EFTUD2: variants seen among roughly 807,000 people sequenced by gnomAD.
The protein encoded by EFTUD2 is elongation factor Tu GTP binding domain containing 2, also known as 116 kDa U5 small nuclear ribonucleoprotein component.
EFTUD2 carries 9 observed loss-of-function variants against 114.3 expected under a neutral mutation model. The ratio of observed to expected loss-of-function variants is 0.08; its 90% CI spans 0.05 to 0.14. The LOEUF (loss-of-function observed/expected upper bound fraction) is 0.14, where lower values mean the gene tolerates loss of function less well. EFTUD2 is among the 10% of genes least tolerant of loss of function. The pLI, the probability that EFTUD2 is intolerant of heterozygous loss-of-function variation, is 1.00. For synonymous variants in EFTUD2, 449 were observed against 462.3 expected (o/e 0.97, Z 0.37); for missense variants, 765 against 1,241.2 (o/e 0.62, Z 5.76).
At position 44,883,082 on chromosome 17, in the gene EFTUD2, G is replaced by A; in HGVS notation, c.492+11C>T. 2.5e-6 allele frequency: 4 copies of A among 1,614,048 alleles called. No individual in the cohort carries two copies. The highest frequency in any genetic ancestry group is 1.3e-5 in the African/African-American group (1 of 75,052). On this transcript the variant is annotated intron_variant, in intron 6 of 27. Coordinates refer to ENST00000426333, the MANE Select transcript of EFTUD2 (RefSeq NM_004247.4). ...GGTTCATCCTAAACCCTCAACAGAA[G>A]TTCTACTTACATCTTGGTCATAGCG...
chr17:44,887,872 G>A (rs2051202638), intron 2 of EFTUD2, among the ~76,000 whole-genome samples: 1 of 152,086 alleles, frequency 6.6e-6, no homozygotes, highest in African/African-American at 2.4e-5. Flanking sequence ...CAACATTAAC[G>A]AAGCCATTCT....
At chr17:44,869,434 G>A (rs183251714) in intron 11 of EFTUD2, among the ~76,000 whole-genome samples, 2 of 152,246 alleles carry the variant, frequency 1.3e-5, no homozygotes, top group Admixed American at 1.3e-4. Flanking sequence ...GAGTAGCTGG[G>A]ACTACAGGTG....
intron 19 of EFTUD2, among the ~76,000 whole-genome samples, chr17:44,857,795 T>G (rs2145449946): frequency 6.6e-6 from 1 of 152,082 alleles, no homozygotes; most frequent in Non-Finnish European, 1.5e-5. Flanking sequence ...GTCCCCACCC[T>G]CTCCTTGAAA....
chr17:44,857,485 G>A, intron 19 of EFTUD2: 1 of 307,386 alleles, frequency 3.3e-6, no homozygotes, highest in Non-Finnish European at 6.4e-6. Flanking sequence ...CAACCCCCAT[G>A]GGTCTGACAG....
At chr17:44,883,228 C>A (rs1165309898) in intron 5 of EFTUD2, 70 bp from the exon 6 acceptor site, 1 of 1,396,932 alleles carries the variant, frequency 7.2e-7, no homozygotes, top group Non-Finnish European at 1.0e-6. Context: ...CCCCCAGCTC[C>A]CAATACACCA....
rs2050505335 is a variant in EFTUD2 at position 44,854,190 on chromosome 17, G to C, written c.2347+79C>G. 6.8e-7 allele frequency: 1 copy of C among 1,480,126 alleles called. No homozygotes were observed. The highest frequency in any genetic ancestry group is 9.1e-7 in the Non-Finnish European group (1 of 1,094,118). The allele number at this position is 1,480,126 out of a possible 1,614,324, so 91.7% of individuals were successfully genotyped here. ...GCTGCTTCTCCTGCCGAATCCTAAAGATGGTGAGCCCATCCCACTCATATG... is the reference window on the plus strand; with the variant it reads ...GCTGCTTCTCCTGCCGAATCCTAAACATGGTGAGCCCATCCCACTCATATG... On this transcript the variant is annotated intron_variant, in intron 23 of 27. Transcript: ENST00000426333. The surrounding 1 kb of genome is among the most constrained non-coding windows in gnomAD (Gnocchi z 4.3).
chr17:44,860,791 G>GT (rs1165571390), intron 16 of EFTUD2, among the ~76,000 whole-genome samples: 3 of 151,876 alleles, frequency 2.0e-5, no homozygotes, highest in Non-Finnish European at 4.4e-5. Context: ...TAGAGACGGG[G>GT]TTTTTTCATG....
chr17:44,860,990 C>CA (rs2050648348), intron 16 of EFTUD2, among the ~76,000 whole-genome samples: 2 of 152,138 alleles, frequency 1.3e-5, no homozygotes, highest in African/African-American at 4.8e-5. Context: ...ATACAGTAAA[C>CA]AATCATTATC....
chr17:44,888,523 T>A (rs2051217270), intron 2 of EFTUD2, among the ~76,000 whole-genome samples: 1 of 152,148 alleles, frequency 6.6e-6, no homozygotes, highest in African/African-American at 2.4e-5. Flanking sequence ...GAAGATTAGT[T>A]AGGGGGCTAC....
rs371654536 is a variant in EFTUD2, at chr17:44,854,062, T to A, written c.2347+207A>T. ...CTCAGAAATGAGGAGCAAATGACAGTTTAGAAATGACTTAAATTTCCATTT... is the reference window on the plus strand; with the variant it reads ...CTCAGAAATGAGGAGCAAATGACAGATTAGAAATGACTTAAATTTCCATTT... On this transcript the variant is annotated intron_variant, in intron 23 of 27. Transcript: ENST00000426333. The surrounding 1 kb of genome is among the most constrained non-coding windows in gnomAD (Gnocchi z 4.3). 28 of 1,399,440 alleles carry A rather than the reference T, an allele frequency of 2.0e-5. No homozygotes were observed. The highest frequency in any genetic ancestry group is 2.7e-4 in the Middle Eastern group (1 of 3,734). The allele number at this position is 1,399,440 out of a possible 1,614,324, so 86.7% of individuals were successfully genotyped here.
At chr17:44,883,197 A>C in intron 5 of EFTUD2, 39 bp from the exon 6 acceptor site, 1 of 1,604,644 alleles carries the variant, frequency 6.2e-7, no homozygotes, top group Non-Finnish European at 8.5e-7. Context: ...CCGACCACAG[A>C]GGAAAATTTA....
chr17:44,898,222 A>T (rs1236317456), intron 1 of EFTUD2, among the ~76,000 whole-genome samples: 1 of 152,006 alleles, frequency 6.6e-6, no homozygotes, highest in East Asian at 1.9e-4. Context: ...TATTTATTTT[A>T]TATATATTTT....
intron 15 of EFTUD2, chr17:44,863,394 TA>T (rs1170933780): frequency 1.3e-5 from 5 of 373,758 alleles, no homozygotes; most frequent in African/African-American, 1.0e-4. Context: ...TAATCTTATT[TA>T]AATCTCATAA....
At chr17:44,895,525 G>T (rs1429006327) in intron 1 of EFTUD2, among the ~76,000 whole-genome samples, 2 of 150,922 alleles carry the variant, frequency 1.3e-5, no homozygotes, top group Non-Finnish European at 1.5e-5. Flanking sequence ...AAGTTTCACT[G>T]GAAAACAGCC....
rs775597831 is a variant in EFTUD2 at position 44,863,635 on chromosome 17, G to A, written c.1413+20C>T. ...AAGGGGAAAAAAAGACCAGAGAACC[G>A]GGGAGCCACATGCCCTTACATCAGG... On this transcript the variant is annotated intron_variant, in intron 15 of 27. Coordinates refer to ENST00000426333, the MANE Select transcript of EFTUD2 (RefSeq NM_004247.4). The A allele has an allele frequency of 2.3e-5, 37 of 1,606,664 alleles. No homozygotes were observed. The highest frequency in any genetic ancestry group is 1.7e-4 in the Middle Eastern group (1 of 6,008).
intron 2 of EFTUD2, among the ~76,000 whole-genome samples, chr17:44,890,648 T>C (rs1466762924): frequency 2.0e-5 from 3 of 151,904 alleles, no homozygotes; most frequent in African/African-American, 7.3e-5. Flanking sequence ...GCCGAGATCA[T>C]GCCATTGCAC....
chr17:44,873,690 T>C (rs1214154488), intron 10 of EFTUD2, among the ~76,000 whole-genome samples: 2 of 151,596 alleles, frequency 1.3e-5, no homozygotes, highest in Non-Finnish European at 2.9e-5. Context: ...TGACTTCCTA[T>C]TTTAGTAAAT....
Position 44,862,696 on chromosome 17 carries a change from G to T in EFTUD2, c.1607+17C>A. On this transcript the variant is annotated intron_variant, in intron 16 of 27. Transcript: ENST00000426333. ...ATAGACACCAAGGCATACTCCTGGG[G>T]CTCTGGTTGGCAGTACCTGGCCACA... The T allele has an allele frequency of 6.2e-7, 1 of 1,607,894 alleles. No homozygotes were observed.
chr17:44,856,404 C>T (rs1376943828), intron 20 of EFTUD2, among the ~76,000 whole-genome samples: 2 of 151,798 alleles, frequency 1.3e-5, no homozygotes, highest in African/African-American at 4.8e-5. Context: ...GTGGTGCGTG[C>T]ATGTAATCCC....
Sources: gnomAD v4.1 joint callset for allele counts (sites outside exome capture counted in the v4.1 genomes callset) on GRCh38, gnomAD v4.1.1 for gene constraint, Gnocchi (gnomAD v3.1) non-coding constraint, MANE v1.5 for transcripts, NCBI Gene and HGNC (gene_info 2026-07-23, HGNC 2026-07-21) for gene names.